Variants in CAMK1D observed in about 807,000 individuals in gnomAD.
CAMK1D encodes calcium/calmodulin-dependent protein kinase type 1D.
In CAMK1D, 9 loss-of-function variants were observed where a neutral mutation model predicts 47.7. The ratio of observed to expected loss-of-function variants is 0.19; its 90% CI spans 0.11 to 0.33. The LOEUF is 0.33. Among genes scored for constraint, CAMK1D ranks in the 10% least tolerant of loss-of-function variants. The probability of loss-of-function intolerance (pLI) is 1.00; values close to 1 mark genes in which losing one functional copy is unlikely to be tolerated. For synonymous variants in CAMK1D, 184 were observed against 184.9 expected (o/e 0.99, Z 0.04); for missense variants, 291 against 488.7 (o/e 0.60, Z 3.81).
intron 1 of CAMK1D, among the ~76,000 whole-genome samples, chr10:12,503,192 G>C (rs1220197252): frequency 6.6e-6 from 1 of 152,202 alleles, no homozygotes; most frequent in East Asian, 1.9e-4. Context: ...ATGTACGTGT[G>C]GGTGCATATA....
intron 2 of CAMK1D, among the ~76,000 whole-genome samples, chr10:12,599,753 T>C (rs1838247771): frequency 6.6e-6 from 1 of 152,162 alleles, no homozygotes; most frequent in South Asian, 2.1e-4. Context: ...TTCACAACTT[T>C]TCCACACGGG....
intron 1 of CAMK1D, among the ~76,000 whole-genome samples, chr10:12,524,880 C>T (rs1489409738): frequency 6.6e-6 from 1 of 152,184 alleles, no homozygotes; most frequent in Non-Finnish European, 1.5e-5. Flanking sequence ...CCACCTGAAG[C>T]ATTTCCTTTA....
At chr10:12,703,862 C>G (rs1444658964) in intron 3 of CAMK1D, among the ~76,000 whole-genome samples, 1 of 149,728 alleles carries the variant, frequency 6.7e-6, no homozygotes, top group Non-Finnish European at 1.5e-5. Context: ...GATCGAGACT[C>G]CGTCTCAAAA....
chr10:12,574,468 ATT>A (rs1171556305), intron 2 of CAMK1D, among the ~76,000 whole-genome samples: 1,245 of 61,218 alleles, frequency 0.02, 22 homozygotes, highest in African/African-American at 0.073. Context: ...CGCCTAGCTA[ATT>A]TTTTTTTTTT....
At chr10:12,736,625 C>T (rs1835201145) in intron 3 of CAMK1D, among the ~76,000 whole-genome samples, 1 of 152,158 alleles carries the variant, frequency 6.6e-6, no homozygotes, top group African/African-American at 2.4e-5. Context: ...AGTTCATATG[C>T]TTAGGTAGAA....
intron 1 of CAMK1D, among the ~76,000 whole-genome samples, chr10:12,519,344 A>G (rs1443974683): frequency 8.8e-5 from 3 of 34,180 alleles, no homozygotes; most frequent in Admixed American, 3.0e-4. Context: ...CACCTCCCGG[A>G]CGGGGGGCTG....
intron 1 of CAMK1D, among the ~76,000 whole-genome samples, chr10:12,506,163 A>T (rs761702771): frequency 1.9e-4 from 29 of 152,276 alleles, no homozygotes; most frequent in South Asian, 8.3e-4. Context: ...TCATGCCTGT[A>T]ATCCCAGCAC....
intron 3 of CAMK1D, among the ~76,000 whole-genome samples, chr10:12,721,492 C>T (rs1194026867): frequency 6.7e-6 from 1 of 148,596 alleles, no homozygotes; most frequent in African/African-American, 2.5e-5. Context: ...ATTTTGTGTT[C>T]TTTCACTGGC....
intron 2 of CAMK1D, among the ~76,000 whole-genome samples, chr10:12,583,358 C>T (rs976194108): frequency 2.0e-5 from 3 of 152,086 alleles, no homozygotes; most frequent in Non-Finnish European, 2.9e-5. Flanking sequence ...GTTTGATACT[C>T]GTCATTGTTA....
intron 1 of CAMK1D, among the ~76,000 whole-genome samples, chr10:12,478,978 C>T (rs1833982614): frequency 6.6e-6 from 1 of 152,210 alleles, no homozygotes; most frequent in Admixed American, 6.5e-5. Context: ...TTAATTCTTA[C>T]AATAGCCTTA....
intron 10 of CAMK1D, 51 bp from the exon 11 acceptor site, chr10:12,828,718 G>A (rs749553555): frequency 2.6e-6 from 4 of 1,512,790 alleles, no homozygotes; most frequent in Non-Finnish European, 2.8e-6. Context: ...GGGAAGCAGG[G>A]TGAGAATTTA....
intron 6 of CAMK1D, among the ~76,000 whole-genome samples, chr10:12,801,512 ATCT>A (rs1348567269): frequency 6.7e-6 from 1 of 149,062 alleles, no homozygotes; most frequent in Non-Finnish European, 1.5e-5. Context: ...CCATCTATCC[ATCT>A]TCTATTTGTT....
intron 3 of CAMK1D, among the ~76,000 whole-genome samples, chr10:12,681,385 G>T (rs1307356093): frequency 6.6e-6 from 1 of 152,236 alleles, no homozygotes; most frequent in Non-Finnish European, 1.5e-5. Flanking sequence ...TGCTGGCATG[G>T]TTCCTTCTTT....
intron 2 of CAMK1D, among the ~76,000 whole-genome samples, chr10:12,624,526 C>G (rs1250189736): frequency 2.6e-5 from 4 of 152,170 alleles, no homozygotes; most frequent in African/African-American, 9.7e-5. Flanking sequence ...CGGCCCATTT[C>G]ACTCAGATGA....
chr10:12,776,705 C>T (rs1837260780), intron 5 of CAMK1D, among the ~76,000 whole-genome samples: 1 of 150,722 alleles, frequency 6.6e-6, no homozygotes, highest in African/African-American at 2.4e-5. Context: ...TTCTCTAACC[C>T]ACCGATTTTC....
rs372155072 is a variant in CAMK1D at position 12,572,039 on chromosome 10, A to C, written c.224+18683A>C. 5.7e-4 allele frequency among the ~76,000 whole-genome samples: 80 copies of C among 140,036 alleles called. No individual in the cohort carries two copies. The South Asian group carries it at 7.6e-3, about 13-fold the overall frequency. The allele number at this position is 140,036 out of a possible 152,430, so 91.9% of individuals were successfully genotyped here. ...ATAGAAAGCAGCACCCAAAAACTAA[A>C]CCCCCCCCCAAAAAAAAAGTTCTGA... is the stretch of plus-strand genomic sequence containing the variant. On this transcript the variant is annotated intron_variant, in intron 2 of 10. Coordinates refer to ENST00000619168, the MANE Select transcript of CAMK1D (RefSeq NM_153498.4).
chr10:12,613,744 C>A (rs1465037073), intron 2 of CAMK1D, among the ~76,000 whole-genome samples: 1 of 152,194 alleles, frequency 6.6e-6, no homozygotes, highest in African/African-American at 2.4e-5. Context: ...TCCTAAAGGT[C>A]TGGGATTACA....
At chr10:12,620,558 GT>G (rs1838969059) in intron 2 of CAMK1D, among the ~76,000 whole-genome samples, 1 of 152,192 alleles carries the variant, frequency 6.6e-6, no homozygotes, top group Admixed American at 6.5e-5. Flanking sequence ...CTTGCCATGT[GT>G]TTATCTTCTT....
chr10:12,726,528 G>A (rs1404507826), intron 3 of CAMK1D, among the ~76,000 whole-genome samples: 1 of 152,206 alleles, frequency 6.6e-6, no homozygotes, highest in Non-Finnish European at 1.5e-5. Flanking sequence ...AGTGCCGCAG[G>A]AGAATTAAAA....
Sources: allele counts gnomAD v4.1 joint callset (sites outside exome capture counted in the v4.1 genomes callset), GRCh38; gene constraint gnomAD v4.1.1; transcripts MANE v1.5; gene names NCBI Gene and HGNC (gene_info 2026-07-23, HGNC 2026-07-21).